Variants in RNASE12 observed in about 807,000 individuals in gnomAD.
The protein encoded by RNASE12 is probable inactive ribonuclease-like protein 12.
For missense variants in RNASE12, 161 were observed against 177.6 expected (o/e 0.91, Z 0.53); for synonymous variants, 55 against 59.8 (o/e 0.92, Z 0.37).
At chr14:20,591,329 T>C (rs998874755), upstream of RNASE12, 1 of 980,770 alleles carries the variant, frequency 1.0e-6, no homozygotes, top group Non-Finnish European at 1.2e-6. Context: ...ATCGCTTGTG[T>C]CTTGCTGTTC....
At chr14:20,590,494 T>C (rs139504393) in exon 1 of RNASE12, 24 of 1,614,106 alleles carry the variant, frequency 1.5e-5, no homozygotes, top group Non-Finnish European at 2.0e-5. Context: ...GCAAATACCA[T>C]TGATTTTTCG....
upstream of RNASE12, chr14:20,591,129 G>T: frequency 2.0e-6 from 2 of 985,204 alleles, no homozygotes; most frequent in Non-Finnish European, 2.4e-6. Context: ...CTTCTTTCCC[G>T]TAATTTTCTC....
chr14:20,591,314 A>T (rs1011449537), upstream of RNASE12: 70 of 984,748 alleles, frequency 7.1e-5, no homozygotes, highest in African/African-American at 1.1e-3. Flanking sequence ...CATGAATTTG[A>T]CAAAATCGCT....
chr14:20,591,106 A>G, upstream of RNASE12: 1 of 985,258 alleles, frequency 1.0e-6, no homozygotes, highest in South Asian at 4.7e-5. Context: ...GGTTATTCAT[A>G]TTGCTGAATA....
At chr14:20,590,151 A>C (rs1222243609), downstream of RNASE12, 32 of 1,475,548 alleles carry the variant, frequency 2.2e-5, no homozygotes, top group Non-Finnish European at 2.9e-5. Context: ...GGAAGGATAA[A>C]TTAATTACCA....
exon 1 of RNASE12, chr14:20,590,201 C>T (rs558724315): frequency 2.0e-5 from 31 of 1,545,256 alleles, no homozygotes; most frequent in South Asian, 8.8e-5. Context: ...CCCATGTCCA[C>T]GGTCCAGGTC....
At chr14:20,590,461 C>T in exon 1 of RNASE12, 1 of 1,614,214 alleles carries the variant, frequency 6.2e-7, no homozygotes, top group Middle Eastern at 1.6e-4. Flanking sequence ...AAGGTTTTGG[C>T]AAGCAACCTT....
chr14:20,590,767 G>A lies in RNASE12; in HGVS notation c.-44C>T. 6.3e-7 allele frequency: 1 copy of A among 1,593,278 alleles called. No individual in the cohort carries two copies. Among genetic ancestry groups the A allele is most frequent in the South Asian group, 1.1e-5 (1 of 87,438 alleles). ...CGCATCTTTGGCTTTGACTGCTGTT[G>A]AGTAAGGGAAGATAGAAAGTAGCAA... On this transcript the variant is annotated 5_prime_UTR_variant, in exon 1 of 1. Coordinates refer to ENST00000556526, the Ensembl canonical transcript of RNASE12.
In RNASE12 at chr14:20,590,674, T is replaced by C. The variant is rs750604949; in HGVS notation, c.50A>G (p.Glu17Gly). The change falls in exon 1 of 1, where the codon GAG becomes GGG. Residue 17 changes from glutamate to glycine, a missense_variant. Transcript: ENST00000556526. ...TGACATCACTGCTTCATCATTCACCTCATTTTCCCAGAACAGAAGCACCAA... is the reference window on the plus strand; with the variant it reads ...TGACATCACTGCTTCATCATTCACCCCATTTTCCCAGAACAGAAGCACCAA... The C allele has an allele frequency of 1.5e-5, 25 of 1,614,088 alleles. No individual in the cohort carries two copies. The South Asian group carries it at 2.7e-4, about 18-fold the overall frequency.
chr14:20,591,277 C>T (rs757158814), upstream of RNASE12: 1 of 985,382 alleles, frequency 1.0e-6, no homozygotes, highest in Non-Finnish European at 1.2e-6. Flanking sequence ...TTTCTGGTCA[C>T]TGTCACAGGT....
downstream of RNASE12, chr14:20,590,120 C>T (rs1198600546): frequency 2.0e-5 from 27 of 1,327,854 alleles, 1 homozygote; most frequent in South Asian, 3.4e-4. Context: ...CAGAATAAAA[C>T]AATCCCAACC....
At chr14:20,591,322 G>A (rs76132202), upstream of RNASE12, 121 of 983,664 alleles carry the variant, frequency 1.2e-4, no homozygotes, top group African/African-American at 1.7e-3. Context: ...TGACAAAATC[G>A]CTTGTGTCTT....
At chr14:20,590,550 A>G in exon 1 of RNASE12, 1 of 1,614,278 alleles carries the variant, frequency 6.2e-7, no homozygotes, top group Non-Finnish European at 8.5e-7. Flanking sequence ...AAGTGTGGTC[A>G]GGTTCCCTGA....
At chr14:20,590,270 T>C (rs1169652133) in exon 1 of RNASE12, 37 of 1,610,944 alleles carry the variant, frequency 2.3e-5, no homozygotes, top group Non-Finnish European at 3.1e-5. Context: ...ACTCGGGAGC[T>C]GATCTTGAGT....
chr14:20,590,242 T>G, exon 1 of RNASE12: 1 of 1,602,814 alleles, frequency 6.2e-7, no homozygotes. Context: ...CCAATGCCAT[T>G]GAGAGAAGAG....
chr14:20,591,174 T>C (rs753076150), upstream of RNASE12: 222 of 983,696 alleles, frequency 2.3e-4, no homozygotes, highest in Admixed American at 6.8e-4. Flanking sequence ...ATGATTTTAG[T>C]ACCTTCTACT....
chr14:20,590,895 G>T, upstream of RNASE12: 1 of 1,439,750 alleles, frequency 6.9e-7, no homozygotes, highest in Non-Finnish European at 9.1e-7. Flanking sequence ...GACCTTGCAA[G>T]ATCCAGCTGG....
At chr14:20,590,547 G>T in exon 1 of RNASE12, 1 of 1,614,246 alleles carries the variant, frequency 6.2e-7, no homozygotes, top group Non-Finnish European at 8.5e-7. Flanking sequence ...TACAAGTGTG[G>T]TCAGGTTCCC....
exon 1 of RNASE12, chr14:20,590,602 A>G (rs556273298): frequency 1.2e-6 from 2 of 1,614,264 alleles, no homozygotes; most frequent in East Asian, 2.2e-5. Context: ...CCTTGCAGGA[A>G]CGGGAACGTC....
Sources: allele counts gnomAD v4.1 joint callset, GRCh38; gene constraint gnomAD v4.1.1; transcripts MANE v1.5; gene names NCBI Gene and HGNC (gene_info 2026-07-23, HGNC 2026-07-21).